The following BCLAF1 variants were observed in gnomAD, a reference collection of about 807,000 sequenced individuals.
BCLAF1 encodes the protein bcl-2-associated transcription factor 1.
A neutral mutation model predicts 99.5 loss-of-function variants in BCLAF1; 10 were observed. That is an observed-to-expected ratio of 0.10 (90% CI 0.06 to 0.17). BCLAF1 has a LOEUF of 0.17. Among genes scored for constraint, BCLAF1 ranks in the 10% least tolerant of loss-of-function variants. The pLI, the probability that BCLAF1 is intolerant of heterozygous loss-of-function variation, is 1.00. For missense variants in BCLAF1, 636 were observed against 1,105.8 expected, an observed-to-expected ratio of 0.58 and a Z score of 6.02; for synonymous variants, 255 against 370.9, an observed-to-expected ratio of 0.69 and a Z score of 3.59.
chr6:136,286,383 T>C (rs975054690), intron 1 of BCLAF1, among the ~76,000 whole-genome samples: 1 of 152,220 alleles, frequency 6.6e-6, no homozygotes, highest in African/African-American at 2.4e-5. Flanking sequence ...CCTTCATCTG[T>C]CAGCTTCAAA....
chr6:136,272,989 A>C lies in BCLAF1; in HGVS notation c.1958+93T>G, dbSNP rs2128476679. 4.9e-6 allele frequency: 4 copies of C among 810,262 alleles called. No individual in the cohort carries two copies. In the East Asian group the frequency reaches 7.6e-5, roughly 15 times the overall value. 50.2% of individuals were successfully genotyped at this position (810,262 alleles called of 1,614,324 possible). A position where few individuals can be genotyped will look rare whatever the true frequency, so the allele number is the denominator to read the frequency against. ...ATAAATGAGGAATAATACTTGTATCAATGACAAAAACAAACTTCCAATACA... is the reference window on the plus strand; with the variant it reads ...ATAAATGAGGAATAATACTTGTATCCATGACAAAAACAAACTTCCAATACA... On this transcript the variant is annotated intron_variant, in intron 7 of 12. Transcript: ENST00000531224.
At chr6:136,271,127 T>G (rs1465583935) in intron 8 of BCLAF1, among the ~76,000 whole-genome samples, 1 of 151,716 alleles carries the variant, frequency 6.6e-6, no homozygotes, top group East Asian at 1.9e-4. Context: ...ATAACCCAAT[T>G]ATTCAACAAC....
In BCLAF1 at chr6:136,266,115, T is replaced by C. The variant is rs183144956; in HGVS notation, c.2544+914A>G. Among the ~76,000 whole-genome samples the C allele has an allele frequency of 3.9e-5, 6 of 152,160 alleles. No homozygotes were observed. The East Asian group carries it at 9.6e-4, about 24-fold the overall frequency. On this transcript the variant is annotated intron_variant, in intron 11 of 12. Transcript: ENST00000531224. ...AATGGAAATATATTTTTGAAACATA[T>C]ATAGTTTTTCCAGACAAAATAGAGA...
At chr6:136,289,328 G>T (rs1277199373) in intron 1 of BCLAF1, among the ~76,000 whole-genome samples, 1 of 152,264 alleles carries the variant, frequency 6.6e-6, no homozygotes, top group African/African-American at 2.4e-5. Flanking sequence ...CATAGGCGGG[G>T]GAGAGAAAAA....
chr6:136,269,245 T>C, intron 9 of BCLAF1, 192 bp downstream of exon 9: 1 of 1,499,148 alleles, frequency 6.7e-7, no homozygotes. Context: ...GTTAGCTTGC[T>C]ATTCCAAAGT....
intron 9 of BCLAF1, 116 bp from the exon 10 acceptor site, chr6:136,268,455 T>C (rs1782050625): frequency 2.1e-6 from 2 of 941,838 alleles, no homozygotes; most frequent in Non-Finnish European, 3.2e-6. Flanking sequence ...AATAAAATTA[T>C]GTAAATAAAA....
chr6:136,282,998 A>G (rs980148450), intron 1 of BCLAF1, among the ~76,000 whole-genome samples: 3 of 151,930 alleles, frequency 2.0e-5, no homozygotes, highest in Admixed American at 1.3e-4. Context: ...AACGTAGCTA[A>G]CATAATGCCA....
chr6:136,265,067 A>G (rs1241446717), intron 11 of BCLAF1, among the ~76,000 whole-genome samples: 1 of 152,162 alleles, frequency 6.6e-6, no homozygotes. Flanking sequence ...AAAGTGTTAA[A>G]CAATTACTAT....
chr6:136,269,064 C>T, intron 9 of BCLAF1: 1 of 1,045,992 alleles, frequency 9.6e-7, no homozygotes, highest in African/African-American at 1.7e-5. Flanking sequence ...CACTAGATAT[C>T]AGTTTAAAAT....
intron 3 of BCLAF1, chr6:136,279,529 A>C (rs1018245036): frequency 3.4e-6 from 1 of 290,048 alleles, no homozygotes; most frequent in Non-Finnish European, 6.1e-6. Flanking sequence ...ATACAGTAAA[A>C]TTTGAGACCT....
rs750597670 is a variant in BCLAF1, at chr6:136,276,101, T to C, written c.1424A>G (p.Lys475Arg). 6.2e-5 allele frequency: 100 copies of C among 1,610,232 alleles called. No homozygotes were observed. Among genetic ancestry groups the C allele is most frequent in the Non-Finnish European group, 8.2e-5 (97 of 1,179,170 alleles). ...GYVVERPSTT[K>R]DKHKEEDKNS... is the part of the protein sequence containing the mutation. ...TTTGTCTTCTTCTTTGTGCTTATCT[T>C]TTGTAGTGCTAGGCCTTTCCACTAC... The change falls in exon 5 of 13, where the codon AAA becomes AGA. Residue 475 changes from lysine to arginine, a missense_variant. Around this residue, in one of 9 missense-constraint regions of BCLAF1, gnomAD observed 186 missense variants for 275.3 expected, o/e 0.68. Transcript: ENST00000531224.
rs1328350137 is a variant in BCLAF1, at chr6:136,282,697, A to G, written c.-114-10T>C. On this transcript the variant is annotated splice_polypyrimidine_tract_variant and intron_variant, in intron 1 of 12. Coordinates refer to ENST00000531224, the MANE Select transcript of BCLAF1 (RefSeq NM_014739.3). ...CTCTAAATTCGAATTCCTAGCAAAG[A>G]CAAAAAAACCATTATTGTGATTTAT... 1 of 152,202 alleles carries G rather than the reference A, an allele frequency of 6.6e-6. No individual in the cohort carries two copies. Among genetic ancestry groups the G allele is most frequent in the Non-Finnish European group, 1.5e-5 (1 of 68,026 alleles). The allele number at this position is 152,202 out of a possible 1,614,324, so 9.4% of individuals were successfully genotyped here.
chr6:136,261,905 T>A (rs1335495837), intron 11 of BCLAF1, among the ~76,000 whole-genome samples: 1 of 152,182 alleles, frequency 6.6e-6, no homozygotes, highest in Non-Finnish European at 1.5e-5. Flanking sequence ...TAAAATATTA[T>A]AACATTCACT....
At chr6:136,281,548 T>C (rs1425352985) in intron 2 of BCLAF1, among the ~76,000 whole-genome samples, 1 of 152,236 alleles carries the variant, frequency 6.6e-6, no homozygotes, top group East Asian at 1.9e-4. Context: ...CTTCAAGATA[T>C]TTATTTTTAT....
In BCLAF1 at chr6:136,262,210, T is replaced by C. The variant is rs987544027; in HGVS notation, c.2545-733A>G. On this transcript the variant is annotated intron_variant, in intron 11 of 12. Transcript: ENST00000531224. ...AACAATCTGCAAAACTGAAAAGTAC[T>C]TGACTTTGTAGATGAGTAGAGATGG... 2.0e-5 allele frequency among the ~76,000 whole-genome samples: 3 copies of C among 152,170 alleles called. No homozygotes were observed. In the South Asian group the frequency reaches 6.2e-4, roughly 31 times the overall value.
At chr6:136,280,506 T>C (rs1439695790) in intron 2 of BCLAF1, among the ~76,000 whole-genome samples, 1 of 152,120 alleles carries the variant, frequency 6.6e-6, no homozygotes, top group African/African-American at 2.4e-5. Context: ...TATGTGACAA[T>C]GCCTAGTTCA....
At chr6:136,279,990 T>A (rs1167284900) in intron 2 of BCLAF1, 114 bp from the exon 3 acceptor site, 1 of 1,178,420 alleles carries the variant, frequency 8.5e-7, no homozygotes, top group Admixed American at 3.7e-5. Context: ...CAAAGGCTAT[T>A]ATTCACCATC....
At chr6:136,280,216 G>A (rs1368310952) in intron 2 of BCLAF1, among the ~76,000 whole-genome samples, 1 of 152,146 alleles carries the variant, frequency 6.6e-6, no homozygotes, top group Non-Finnish European at 1.5e-5. Context: ...CAATACAAAT[G>A]CCTACCCCTC....
chr6:136,269,169 T>G, intron 9 of BCLAF1: 1 of 1,295,476 alleles, frequency 7.7e-7, no homozygotes, highest in Non-Finnish European at 9.8e-7. Flanking sequence ...TGCACTGCAT[T>G]GAAGTCCAAC....
Sources: gnomAD v4.1 joint callset for allele counts (sites outside exome capture counted in the v4.1 genomes callset) on GRCh38, gnomAD v4.1.1 for gene constraint, gnomAD v4.1.1 regional missense constraint, MANE v1.5 for transcripts, NCBI Gene and HGNC (gene_info 2026-07-23, HGNC 2026-07-21) for gene names.